Variants in RNF19A observed in about 807,000 individuals in gnomAD.
RNF19A encodes the protein E3 ubiquitin-protein ligase RNF19A.
In RNF19A, 32 loss-of-function variants were observed where a neutral mutation model predicts 75.7. That is an observed-to-expected ratio of 0.42 (90% CI 0.32 to 0.57). The LOEUF is 0.57. Among genes scored for constraint, RNF19A ranks in the 20% least tolerant of loss-of-function variants. The pLI is 0.10. For synonymous variants in RNF19A, 335 were observed against 345.2 expected (o/e 0.97, Z 0.33); for missense variants, 782 against 1,036.3 (o/e 0.75, Z 3.37).
In RNF19A at chr8:100,324,180, T is replaced by C. The variant is rs760985973; in HGVS notation, c.-242-10808A>G. 5.3e-5 allele frequency among the ~76,000 whole-genome samples: 8 copies of C among 152,224 alleles called. No individual in the cohort carries two copies. The highest frequency in any genetic ancestry group is 1.2e-4 in the African/African-American group (5 of 41,456). On this transcript the variant is annotated intron_variant, in intron 1 of 3. Transcript: ENST00000519527. This position sits in a 1 kb window ranked among gnomAD's most constrained non-coding sequence, Gnocchi z 4.2. ...GCGGAGGAAGCCCAATCTAGATTTATAAAGTTAGTTCCATAGATCACATGA... is the reference window on the plus strand; with the variant it reads ...GCGGAGGAAGCCCAATCTAGATTTACAAAGTTAGTTCCATAGATCACATGA...
chr8:100,298,575 G>T (rs1188177733), intron 1 of RNF19A, among the ~76,000 whole-genome samples: 2 of 152,116 alleles, frequency 1.3e-5, no homozygotes, highest in Non-Finnish European at 2.9e-5. Flanking sequence ...CTCAGAAACA[G>T]AAACTCAAAG....
At position 100,264,108 on chromosome 8, in the gene RNF19A, C is replaced by G. The variant is rs1176458169; in HGVS notation, c.1394G>C (p.Gly465Ala). Reference protein sequence around the residue: ...CRSGGCGVSAGNGKGVRIEFD... With the variant: ...CRSGGCGVSAANGKGVRIEFD... ...TTCAATCCTAACTCCTTTTCCATTGCCTGCTGAGACTCCACAACCTCCGCT... is the reference window on the plus strand; with the variant it reads ...TTCAATCCTAACTCCTTTTCCATTGGCTGCTGAGACTCCACAACCTCCGCT... Residue 465 changes from glycine (G) to alanine (A), a missense_variant, in exon 7 of 10, where the codon GGC becomes GCC. Coordinates refer to ENST00000341084, the MANE Select transcript of RNF19A (RefSeq NM_183419.4). The surrounding 1 kb of genome is among the most constrained non-coding windows in gnomAD (Gnocchi z 4.7). The G allele has an allele frequency of 1.9e-6, 3 of 1,613,774 alleles. No homozygotes were observed. Among genetic ancestry groups the G allele is most frequent in the Non-Finnish European group, 2.5e-6 (3 of 1,179,762 alleles).
intron 3 of RNF19A, among the ~76,000 whole-genome samples, chr8:100,273,675 G>A (rs2129678251): frequency 6.6e-6 from 1 of 152,204 alleles, no homozygotes; most frequent in African/African-American, 2.4e-5. Context: ...AAGTGACTGT[G>A]GTTTCTCTAA....
intron 1 of RNF19A, among the ~76,000 whole-genome samples, chr8:100,296,992 TACAA>T (rs762604775): frequency 3.3e-4 from 50 of 152,150 alleles, no homozygotes; most frequent in Non-Finnish European, 6.5e-4. Context: ...ACAAAAATCA[TACAA>T]ACAAAGGTTA....
rs1822595583 is a variant in RNF19A, at chr8:100,330,483, T to C, written c.-243+5625A>G. Among the ~76,000 whole-genome samples, 1 of 152,176 alleles carries C rather than the reference T, an allele frequency of 6.6e-6. No homozygotes were observed. Among genetic ancestry groups the C allele is most frequent in the Non-Finnish European group, 1.5e-5 (1 of 68,030 alleles). On this transcript the variant is annotated intron_variant, in intron 1 of 3. Transcript: ENST00000519527. This position sits in a 1 kb window ranked among gnomAD's most constrained non-coding sequence, Gnocchi z 4.1. Reference sequence around the variant, plus strand: ...ACAGTAGTCCAATATGAATTAGTGATGAGATTTTTACTGGAACTATTAGGA... The same window carrying C: ...ACAGTAGTCCAATATGAATTAGTGACGAGATTTTTACTGGAACTATTAGGA...
At chr8:100,297,276 T>TA (rs1295094118) in intron 1 of RNF19A, among the ~76,000 whole-genome samples, 2 of 152,354 alleles carry the variant, frequency 1.3e-5, no homozygotes, top group East Asian at 3.9e-4. Context: ...AATGTGTCCT[T>TA]AGACGCGTGA....
chr8:100,311,975 T>C (rs965090959), upstream of RNF19A, among the ~76,000 whole-genome samples: 20 of 152,206 alleles, frequency 1.3e-4, no homozygotes, highest in Admixed American at 3.3e-4. Context: ...CTATTGAACA[T>C]CCCCAACTTG....
chr8:100,312,819 G>A (rs1822321062), upstream of RNF19A, among the ~76,000 whole-genome samples: 1 of 152,154 alleles, frequency 6.6e-6, no homozygotes, highest in Non-Finnish European at 1.5e-5. Context: ...AGCTCCTCAG[G>A]AGACTGAGGC....
chr8:100,266,207 T>C (rs900429416), intron 5 of RNF19A, among the ~76,000 whole-genome samples: 1 of 152,238 alleles, frequency 6.6e-6, no homozygotes, highest in African/African-American at 2.4e-5. Context: ...CTTTATTGAC[T>C]TAGCAGGTTT....
At chr8:100,310,122 G>A, upstream of RNF19A, 3 of 984,024 alleles carry the variant, frequency 3.0e-6, no homozygotes, top group Non-Finnish European at 3.6e-6. Context: ...CGCAGCCCCC[G>A]CTTTCCCCTC....
intron 3 of RNF19A, among the ~76,000 whole-genome samples, chr8:100,271,278 T>A (rs917643361): frequency 6.6e-6 from 1 of 152,112 alleles, no homozygotes; most frequent in Admixed American, 6.5e-5. Flanking sequence ...TGATAATTAC[T>A]AGAATATAAA....
At chr8:100,288,821 G>A (rs914482996) in intron 1 of RNF19A, among the ~76,000 whole-genome samples, 2 of 152,156 alleles carry the variant, frequency 1.3e-5, no homozygotes, top group Admixed American at 6.5e-5. Context: ...AGCACTTTGG[G>A]AGGCCAGGAT....
intron 1 of RNF19A, among the ~76,000 whole-genome samples, chr8:100,302,889 T>C (rs1259078369): frequency 6.6e-6 from 1 of 152,184 alleles, no homozygotes; most frequent in Non-Finnish European, 1.5e-5. Flanking sequence ...AAAGAAACGA[T>C]ACAAGCAAAA....
intron 1 of RNF19A, among the ~76,000 whole-genome samples, chr8:100,288,860 A>C (rs1821156218): frequency 6.6e-6 from 1 of 152,124 alleles, no homozygotes; most frequent in Non-Finnish European, 1.5e-5. Context: ...GGAGATTGAC[A>C]CCATCCTGGA....
At chr8:100,315,807 C>T (rs1027624860) in intron 1 of RNF19A, among the ~76,000 whole-genome samples, 6 of 152,198 alleles carry the variant, frequency 3.9e-5, no homozygotes, top group Non-Finnish European at 8.8e-5. Context: ...CCATGCCTGG[C>T]TAATCTTGCT....
At chr8:100,305,929 T>C (rs952294149) in intron 1 of RNF19A, among the ~76,000 whole-genome samples, 2 of 152,226 alleles carry the variant, frequency 1.3e-5, no homozygotes, top group South Asian at 2.1e-4. Context: ...GAGCTTATTT[T>C]TGTGATACAA....
chr8:100,306,692 C>A (rs1822076032), intron 1 of RNF19A, among the ~76,000 whole-genome samples: 1 of 152,194 alleles, frequency 6.6e-6, no homozygotes, highest in Admixed American at 6.5e-5. Flanking sequence ...TTGGTTGAAG[C>A]CTACCACCAT....
Position 100,287,315 on chromosome 8 carries a change from T to C in RNF19A, c.674+186A>G, listed in dbSNP as rs943791515. Among the ~76,000 whole-genome samples, 3 of 152,200 alleles carry C rather than the reference T, an allele frequency of 2.0e-5. No individual in the cohort carries two copies. The highest frequency in any genetic ancestry group is 2.1e-4 in the South Asian group (1 of 4,822). On this transcript the variant is annotated intron_variant, in intron 2 of 9. Transcript: ENST00000341084. This position sits in a 1 kb window ranked among gnomAD's most constrained non-coding sequence, Gnocchi z 4.1. The stretch of plus-strand genomic sequence containing the variant: ...GTGAGTATGTAACGCAGAGACGATA[T>C]AGAAATGAGTAAGATAGGATCACTG...
rs1222339864 is a variant in RNF19A, at chr8:100,330,842, C to T, written c.-243+5266G>A. On this transcript the variant is annotated intron_variant, in intron 1 of 3. Transcript: ENST00000519527. The surrounding 1 kb of genome is among the most constrained non-coding windows in gnomAD (Gnocchi z 4.1). ...TTGGCCCTGCCCACCTCTCCAACTT[C>T]ATCTCTCTCCACAACCCTCTTGAGA... Among the ~76,000 whole-genome samples the T allele has an allele frequency of 1.3e-5, 2 of 152,224 alleles. No homozygotes were observed. Among genetic ancestry groups the T allele is most frequent in the African/African-American group, 4.8e-5 (2 of 41,454 alleles).
Sources: allele counts gnomAD v4.1 joint callset (sites outside exome capture counted in the v4.1 genomes callset), GRCh38; gene constraint gnomAD v4.1.1; non-coding constraint Gnocchi (gnomAD v3.1); transcripts MANE v1.5; gene names NCBI Gene and HGNC (gene_info 2026-07-23, HGNC 2026-07-21).